Variants in KLF12 observed in about 807,000 individuals in gnomAD.
KLF12 encodes the protein Krueppel-like factor 12.
A neutral mutation model predicts 37.8 loss-of-function variants in KLF12; 9 were observed. The observed-to-expected ratio is 0.24, with a 90% CI of 0.14 to 0.42. The LOEUF is 0.42. KLF12 is among the 10% of genes least tolerant of loss of function. The probability of loss-of-function intolerance (pLI) is 1.00; values close to 1 mark genes in which losing one functional copy is unlikely to be tolerated. For synonymous variants in KLF12, 208 were observed against 202.1 expected (o/e 1.03, Z -0.25); for missense variants, 411 against 516.0 (o/e 0.80, Z 1.97).
chr13:74,227,958 A>G, the KLF12 span, among the ~76,000 whole-genome samples: 1 of 152,112 alleles, frequency 6.6e-6, no homozygotes, highest in Non-Finnish European at 1.5e-5. Context: ...ACTTTCGTGG[A>G]CCTTAGACGA....
intron 6 of KLF12, among the ~76,000 whole-genome samples, chr13:73,753,873 G>C (rs187323391): frequency 6.6e-6 from 1 of 152,254 alleles, no homozygotes; most frequent in East Asian, 1.9e-4. Context: ...GTGTAAGATA[G>C]ACAAGGAACA....
At chr13:74,099,079 G>T (rs570348640) in intron 1 of KLF12, among the ~76,000 whole-genome samples, 1 of 152,260 alleles carries the variant, frequency 6.6e-6, no homozygotes, top group Admixed American at 6.5e-5. Context: ...CAGGTGGGGT[G>T]GCTCACATCT....
At chr13:73,808,267 T>C (rs1398938692) in intron 5 of KLF12, among the ~76,000 whole-genome samples, 2 of 152,120 alleles carry the variant, frequency 1.3e-5, no homozygotes. Flanking sequence ...GAATACGTGA[T>C]TTTTGACTTG....
rs73220894 is a variant in KLF12, at chr13:73,937,610, T to C, written c.123+6371A>G. 2.5e-3 allele frequency among the ~76,000 whole-genome samples: 373 copies of C among 152,202 alleles called. 1 individual carries two copies. Among genetic ancestry groups the C allele is most frequent in the Non-Finnish European group, 4.0e-3 (273 of 68,016 alleles). ...TCAGAGCGCAGGGACATCTGGATTG[T>C]GGGTGGCAGGAGAATTAAGTTGAAA... On this transcript the variant is annotated intron_variant, in intron 3 of 7. Coordinates refer to ENST00000377669, the MANE Select transcript of KLF12 (RefSeq NM_007249.5).
intron 5 of KLF12, among the ~76,000 whole-genome samples, chr13:73,794,580 T>G (rs1476320897): frequency 6.6e-6 from 1 of 152,206 alleles, no homozygotes; most frequent in East Asian, 1.9e-4. Context: ...TATATTACAG[T>G]TGAAACACAG....
intron 1 of KLF12, among the ~76,000 whole-genome samples, chr13:74,100,242 C>A (rs964612443): frequency 6.6e-6 from 1 of 152,130 alleles, no homozygotes; most frequent in African/African-American, 2.4e-5. Context: ...TATTTACCAA[C>A]AGAATAGGTG....
At chr13:73,956,757 C>T (rs1362899021) in intron 2 of KLF12, among the ~76,000 whole-genome samples, 5 of 150,164 alleles carry the variant, frequency 3.3e-5, no homozygotes, top group African/African-American at 1.3e-4. Context: ...CCCATCTCTA[C>T]AAAAAATAAC....
intron 3 of KLF12, among the ~76,000 whole-genome samples, chr13:73,934,950 A>ATTAC (rs376766080): frequency 7.2e-6 from 1 of 139,588 alleles, no homozygotes; most frequent in Non-Finnish European, 1.5e-5. Context: ...ATAGGTTTTT[A>ATTAC]TTATTTATTT....
chr13:74,165,939 T>C, the KLF12 span, among the ~76,000 whole-genome samples: 1 of 152,178 alleles, frequency 6.6e-6, no homozygotes, highest in African/African-American at 2.4e-5. Flanking sequence ...GGAGGAAAGA[T>C]ATAATGACTA....
the KLF12 span, among the ~76,000 whole-genome samples, chr13:74,249,336 TCACA>T: frequency 0.03 from 2,219 of 74,096 alleles, 28 homozygotes; most frequent in African/African-American, 0.066. Context: ...AGCAGGAGCA[TCACA>T]CACACACACA....
chr13:73,754,343 G>A lies in KLF12; in HGVS notation c.869+10595C>T, dbSNP rs115045409. Among the ~76,000 whole-genome samples the A allele has an allele frequency of 3.7e-3, 566 of 152,244 alleles. 2 individuals carry two copies. Among genetic ancestry groups the A allele is most frequent in the African/African-American group, 0.013 (540 of 41,540 alleles). ...TTGTTCTGGAGACTGGTGCTGCTAC[G>A]TTTGTTTTTAGGTCTTGGCATAACT... On this transcript the variant is annotated intron_variant, in intron 6 of 7. Coordinates refer to ENST00000377669, the MANE Select transcript of KLF12 (RefSeq NM_007249.5).
intron 6 of KLF12, among the ~76,000 whole-genome samples, chr13:73,726,595 G>A (rs923925943): frequency 6.6e-6 from 1 of 152,160 alleles, no homozygotes; most frequent in African/African-American, 2.4e-5. Context: ...CCACATTGTA[G>A]CATGCATCAA....
At chr13:74,124,497 G>A (rs908203156) in intron 1 of KLF12, among the ~76,000 whole-genome samples, 7 of 151,944 alleles carry the variant, frequency 4.6e-5, no homozygotes, top group East Asian at 1.9e-4. Flanking sequence ...TTAAAATTCC[G>A]ATCATTTAAA....
At chr13:74,098,803 C>G (rs930738978) in intron 1 of KLF12, among the ~76,000 whole-genome samples, 13 of 152,126 alleles carry the variant, frequency 8.5e-5, no homozygotes, top group Non-Finnish European at 1.9e-4. Context: ...ATTTTGCTAA[C>G]TAGTTTATGT....
In KLF12 at chr13:73,719,280, T is replaced by C. The variant is rs376595119; in HGVS notation, c.870-3755A>G. On this transcript the variant is annotated intron_variant, in intron 6 of 7. Coordinates refer to ENST00000377669, the MANE Select transcript of KLF12 (RefSeq NM_007249.5). ...GTTGTGTTGGGATCCCCAGCATATATCCACAGTCGGCGGGCACTGCAAGTG... is the reference window on the plus strand; with the variant it reads ...GTTGTGTTGGGATCCCCAGCATATACCCACAGTCGGCGGGCACTGCAAGTG... Among the ~76,000 whole-genome samples, 41 of 152,204 alleles carry C rather than the reference T, an allele frequency of 2.7e-4. 6 individuals are homozygous for C. Among genetic ancestry groups the C allele is most frequent in the Admixed American group, 1.6e-3 (25 of 15,288 alleles).
chr13:73,716,995 T>C (rs1423442955), intron 6 of KLF12, among the ~76,000 whole-genome samples: 1 of 152,226 alleles, frequency 6.6e-6, no homozygotes, highest in African/African-American at 2.4e-5. Flanking sequence ...CATTTTAACT[T>C]AGATCGGGGG....
intron 1 of KLF12, among the ~76,000 whole-genome samples, chr13:74,083,984 G>T (rs1446318793): frequency 6.6e-6 from 1 of 152,148 alleles, no homozygotes. Flanking sequence ...GGCAGATGGG[G>T]ATTTCAGACT....
chr13:74,084,698 G>GA (rs908368305), intron 1 of KLF12, among the ~76,000 whole-genome samples: 2 of 151,930 alleles, frequency 1.3e-5, no homozygotes, highest in African/African-American at 4.8e-5. Context: ...GATGGTTTAG[G>GA]AAACAATAAA....
intron 1 of KLF12, among the ~76,000 whole-genome samples, chr13:74,027,876 C>T (rs185919372): frequency 1.1e-3 from 162 of 152,192 alleles, no homozygotes; most frequent in African/African-American, 3.7e-3. Flanking sequence ...TCAACGTGTG[C>T]TTTATTATAA....
Sources: gnomAD v4.1 joint callset for allele counts (sites outside exome capture counted in the v4.1 genomes callset) on GRCh38, gnomAD v4.1.1 for gene constraint, MANE v1.5 for transcripts, NCBI Gene and HGNC (gene_info 2026-07-23, HGNC 2026-07-21) for gene names.